The following DRC9 variants were observed in gnomAD, a reference collection of about 807,000 sequenced individuals.
The protein encoded by DRC9 is dynein regulatory complex protein 9.
chr3:197,893,231 C>T, the DRC9 span, among the ~76,000 whole-genome samples: 1 of 151,944 alleles, frequency 6.6e-6, no homozygotes, highest in Admixed American at 6.6e-5. Context: ...GTGGCGCATA[C>T]CTGTAATCCC....
chr3:197,908,135 C>T, the DRC9 span, among the ~76,000 whole-genome samples: 1 of 151,056 alleles, frequency 6.6e-6, no homozygotes, highest in Admixed American at 6.6e-5. Context: ...CCAAGGCATC[C>T]TCCCAGATGA....
At chr3:197,914,702 G>A in the DRC9 span, among the ~76,000 whole-genome samples, 1 of 152,166 alleles carries the variant, frequency 6.6e-6, no homozygotes, top group Non-Finnish European at 1.5e-5. Flanking sequence ...ACAAACACAT[G>A]TGTAAACTTC....
the DRC9 span, among the ~76,000 whole-genome samples, chr3:197,915,163 C>CAAAAAAA: frequency 1.3e-4 from 9 of 71,306 alleles, no homozygotes; most frequent in South Asian, 5.3e-4. Context: ...GATTCTGTCT[C>CAAAAAAA]AAAAAAAAAA....
the DRC9 span, among the ~76,000 whole-genome samples, chr3:197,930,736 GAAAAAAA>G: frequency 4.2e-5 from 4 of 94,252 alleles, no homozygotes; most frequent in East Asian, 3.1e-4. Context: ...CTCAGTCTCA[GAAAAAAA>G]AAAAAAAAAA....
the DRC9 span, among the ~76,000 whole-genome samples, chr3:197,952,024 A>G: frequency 6.6e-6 from 1 of 152,180 alleles, no homozygotes; most frequent in East Asian, 1.9e-4. Context: ...TTGCACTTGT[A>G]AGCAATAAAG....
At chr3:197,957,757 A>G in the DRC9 span, 3 of 152,280 alleles carry the variant, frequency 2.0e-5, no homozygotes, top group Admixed American at 6.5e-5. Flanking sequence ...AAAGGCCAAC[A>G]TAAGCTAAAA....
At chr3:197,906,854 G>C in the DRC9 span, among the ~76,000 whole-genome samples, 1 of 152,186 alleles carries the variant, frequency 6.6e-6, no homozygotes, top group African/African-American at 2.4e-5. Flanking sequence ...ACTCTCTGCT[G>C]TGGTGATTCA....
chr3:197,955,614 G>T, the DRC9 span: 1 of 786,104 alleles, frequency 1.3e-6, no homozygotes. Flanking sequence ...CGTAGAGACT[G>T]AAGGCTATAA....
the DRC9 span, among the ~76,000 whole-genome samples, chr3:197,895,972 C>T: frequency 1.5e-5 from 1 of 64,770 alleles, no homozygotes; most frequent in Non-Finnish European, 2.6e-5. Flanking sequence ...AAGACCCTGT[C>T]TCAAAAAAAA....
At chr3:197,947,720 A>G in the DRC9 span, among the ~76,000 whole-genome samples, 2 of 152,174 alleles carry the variant, frequency 1.3e-5, no homozygotes, top group Non-Finnish European at 1.5e-5. Flanking sequence ...TTCCAGAAAG[A>G]GATTCAGTGT....
chr3:197,952,278 T>G, the DRC9 span, among the ~76,000 whole-genome samples: 1 of 145,070 alleles, frequency 6.9e-6, no homozygotes, highest in Non-Finnish European at 1.5e-5. Flanking sequence ...CAAGGGATTC[T>G]CCTGCCTTAG....
the DRC9 span, among the ~76,000 whole-genome samples, chr3:197,903,991 CATATATATATACAT>C: frequency 0.13 from 17,881 of 141,616 alleles, 1,853 homozygotes; most frequent in African/African-American, 0.28. Context: ...TACACACACA[CATATATATATACAT>C]ACATATATAT....
At chr3:197,894,997 C>T in the DRC9 span, among the ~76,000 whole-genome samples, 1 of 151,856 alleles carries the variant, frequency 6.6e-6, no homozygotes, top group South Asian at 2.1e-4. Context: ...TTTGAGGGTG[C>T]AGTGAGCTAT....
chr3:197,955,513 A>AG, the DRC9 span, among the ~76,000 whole-genome samples: 1 of 152,058 alleles, frequency 6.6e-6, no homozygotes, highest in Non-Finnish European at 1.5e-5. Context: ...CTGCCCGCCT[A>AG]GGCCTCCCAA....
chr3:197,904,850 GTAAA>G, the DRC9 span, among the ~76,000 whole-genome samples: 5 of 152,070 alleles, frequency 3.3e-5, no homozygotes, highest in Non-Finnish European at 7.4e-5. Flanking sequence ...TCAAAAAGGA[GTAAA>G]TAAATAAATA....
the DRC9 span, chr3:197,943,708 G>T: frequency 8.1e-7 from 1 of 1,235,282 alleles, no homozygotes. Context: ...ACATTTAATG[G>T]GATAGGTACT....
the DRC9 span, chr3:197,944,119 C>CGTTGCTGCCTGTGCTTTTG: frequency 1.4e-6 from 2 of 1,411,756 alleles, no homozygotes; most frequent in Non-Finnish European, 1.9e-6. Flanking sequence ...CTCAAAAGCA[C>CGTTGCTGCCTGTGCTTTTG]AGGCAGCAAC....
At chr3:197,931,019 C>T in the DRC9 span, among the ~76,000 whole-genome samples, 12 of 147,350 alleles carry the variant, frequency 8.1e-5, no homozygotes, top group African/African-American at 2.8e-4. Flanking sequence ...GGTGACAGAG[C>T]GAGACTCCAT....
chr3:197,890,041 C>A, the DRC9 span, among the ~76,000 whole-genome samples: 3 of 152,168 alleles, frequency 2.0e-5, no homozygotes, highest in Admixed American at 6.5e-5. Context: ...TACTTAACAG[C>A]TATTTGAACC....
Sources: allele counts gnomAD v4.1 joint callset (sites outside exome capture counted in the v4.1 genomes callset), GRCh38; gene constraint gnomAD v4.1.1; transcripts MANE v1.5; gene names NCBI Gene and HGNC (gene_info 2026-07-23, HGNC 2026-07-21).